IQCH: variants seen among roughly 807,000 people sequenced by gnomAD.
IQCH encodes IQ motif containing H, also known as IQ domain-containing protein H.
IQCH carries 98 observed loss-of-function variants against 117.0 expected under a neutral mutation model. That is an observed-to-expected ratio of 0.84 (90% CI 0.71 to 0.99). The LOEUF is 0.99. Among genes scored for constraint, IQCH ranks in the 50% least tolerant of loss-of-function variants. The pLI is 0.00. For synonymous variants in IQCH, 412 were observed against 448.2 expected, an observed-to-expected ratio of 0.92 and a Z score of 1.02; for missense variants, 1,102 against 1,243.8, an observed-to-expected ratio of 0.89 and a Z score of 1.72.
chr15:67,293,268 A>G (rs1032477407), intron 4 of IQCH, among the ~76,000 whole-genome samples: 6 of 152,194 alleles, frequency 3.9e-5, no homozygotes, highest in African/African-American at 1.4e-4. Flanking sequence ...CATGGAGCTT[A>G]CATTCTAATT....
intron 17 of IQCH, among the ~76,000 whole-genome samples, chr15:67,470,164 GT>G (rs1201707046): frequency 6.6e-6 from 1 of 152,076 alleles, no homozygotes; most frequent in African/African-American, 2.4e-5. Flanking sequence ...GAGTCTTAGG[GT>G]TTTTTTGTTT....
rs758143256 is a variant in IQCH, at chr15:67,388,181, C to T, written c.1457-650C>T. On this transcript the variant is annotated intron_variant, in intron 11 of 20. Transcript: ENST00000335894. This position sits in a 1 kb window ranked among gnomAD's most constrained non-coding sequence, Gnocchi z 5.5. ...TGGGATATTTAATTAGGGTTTCTTG[C>T]TATGTTACATGTAAGAAGCACATCT... Among the ~76,000 whole-genome samples, 1 of 152,158 alleles carries T rather than the reference C, an allele frequency of 6.6e-6. No individual in the cohort carries two copies. The highest frequency in any genetic ancestry group is 1.5e-5 in the Non-Finnish European group (1 of 68,026).
intron 4 of IQCH, among the ~76,000 whole-genome samples, chr15:67,331,915 T>C (rs945145444): frequency 2.0e-5 from 3 of 152,198 alleles, no homozygotes; most frequent in Non-Finnish European, 4.4e-5. Flanking sequence ...TTACAACTTA[T>C]TGGCTGGAAT....
chr15:67,293,206 A>T (rs1271656625), intron 4 of IQCH, among the ~76,000 whole-genome samples: 1 of 152,140 alleles, frequency 6.6e-6, no homozygotes, highest in African/African-American at 2.4e-5. Flanking sequence ...TCTATTATGT[A>T]CCTAATACAT....
At chr15:67,469,850 C>CA (rs1450006946) in intron 17 of IQCH, among the ~76,000 whole-genome samples, 2 of 152,200 alleles carry the variant, frequency 1.3e-5, no homozygotes, top group East Asian at 3.8e-4. Context: ...GGTCAGTAGG[C>CA]AAGCAAGTAG....
chr15:67,497,357 A>G (rs1270575849), intron 20 of IQCH, among the ~76,000 whole-genome samples: 1 of 152,180 alleles, frequency 6.6e-6, no homozygotes, highest in Non-Finnish European at 1.5e-5. Flanking sequence ...AAAATCCTAA[A>G]GAACCCATCA....
At chr15:67,265,598 A>C (rs367587817) in intron 3 of IQCH, among the ~76,000 whole-genome samples, 1 of 152,216 alleles carries the variant, frequency 6.6e-6, no homozygotes, top group Admixed American at 6.5e-5. Flanking sequence ...TGGGTCTTCA[A>C]AGTAAACAAG....
At chr15:67,355,135 CT>C (rs976964859) in intron 6 of IQCH, among the ~76,000 whole-genome samples, 5 of 152,034 alleles carry the variant, frequency 3.3e-5, no homozygotes, top group African/African-American at 1.2e-4. Context: ...TTCTGTTATT[CT>C]TTGTTGGATA....
chr15:67,498,167 A>G (rs556245972), intron 20 of IQCH, among the ~76,000 whole-genome samples: 2 of 152,360 alleles, frequency 1.3e-5, no homozygotes, highest in African/African-American at 4.8e-5. Context: ...ATATAGATCA[A>G]TGGCATAAAA....
At chr15:67,420,728 T>C (rs1030078361) in intron 15 of IQCH, among the ~76,000 whole-genome samples, 2 of 152,250 alleles carry the variant, frequency 1.3e-5, no homozygotes, top group Non-Finnish European at 2.9e-5. Context: ...GCATATGTGT[T>C]CTTCAAACAC....
Position 67,367,708 on chromosome 15 carries a change from G to A in IQCH, c.754-4403G>A, listed in dbSNP as rs182927277. Among the ~76,000 whole-genome samples, 6 of 152,188 alleles carry A rather than the reference G, an allele frequency of 3.9e-5. No homozygotes were observed. In the East Asian group the frequency reaches 1.2e-3, roughly 29 times the overall value. ...ACAGTTTAGGCTGTGGGCACTGGTG[G>A]TACGGGGGTAGGGGTCAGCATGAGG... On this transcript the variant is annotated intron_variant, in intron 8 of 20. Transcript: ENST00000335894.
chr15:67,359,885 G>T lies in IQCH; in HGVS notation c.753G>T (p.Lys251Asn), dbSNP rs1250278128. The part of the protein sequence containing the change: ...SRRSRGHHDR[K>N]AMKVKTPLRA... ...GGTCAAGAGGACATCATGATAGGAA[G>T]GTCTGTAATTTGTGTGACTAGTTGA... The change falls in exon 8 of 21, where the codon AAG becomes AAT. Residue 251 changes from lysine to asparagine, a missense_variant and splice_region_variant. By Grantham distance (94) the Lys-to-Asn change is moderately conservative. Transcript: ENST00000335894. This position sits in a 1 kb window ranked among gnomAD's most constrained non-coding sequence, Gnocchi z 4.5. 6.2e-7 allele frequency: 1 copy of T among 1,610,882 alleles called. No homozygotes were observed. Among genetic ancestry groups the T allele is most frequent in the East Asian group, 2.2e-5 (1 of 44,742 alleles).
chr15:67,405,350 A>G lies in IQCH; in HGVS notation c.2097+5045A>G, dbSNP rs143967475. On this transcript the variant is annotated intron_variant, in intron 14 of 20. Coordinates refer to ENST00000335894, the MANE Select transcript of IQCH (RefSeq NM_001031715.3). The surrounding 1 kb of genome is among the most constrained non-coding windows in gnomAD (Gnocchi z 4.8). ...AGATTAAGCATTTTGTAGATCTATGAATGCACTGTTAAGGTGTTGACATTT... is the reference window on the plus strand; with the variant it reads ...AGATTAAGCATTTTGTAGATCTATGGATGCACTGTTAAGGTGTTGACATTT... The G allele has an allele frequency of 1.3e-5, 2 of 153,040 alleles. No individual in the cohort carries two copies. The highest frequency in any genetic ancestry group is 1.3e-4 in the Admixed American group (2 of 15,362). 9.5% of individuals were successfully genotyped at this position (153,040 alleles called of 1,614,324 possible). A position where few individuals can be genotyped will look rare whatever the true frequency, so the allele number is the denominator to read the frequency against.
chr15:67,413,073 GT>G lies in IQCH; in HGVS notation c.2098-3857del, dbSNP rs1430494339. 3.6e-5 allele frequency among the ~76,000 whole-genome samples: 5 copies of G among 138,998 alleles called. No homozygotes were observed. Among genetic ancestry groups the G allele is most frequent in the African/African-American group, 1.3e-4 (4 of 31,974 alleles). The allele number at this position is 138,998 out of a possible 152,430, so 91.2% of individuals were successfully genotyped here. On this transcript the variant is annotated intron_variant, in intron 14 of 20. Transcript: ENST00000335894. The surrounding 1 kb of genome is among the most constrained non-coding windows in gnomAD (Gnocchi z 5.0). ...GGAGTGTTTGTCTGTTATGGAAGGTGTGTGTGTGTGTGTGTGTGTGTGTGTG... is the reference window on the plus strand; with the variant it reads ...GGAGTGTTTGTCTGTTATGGAAGGTGGTGTGTGTGTGTGTGTGTGTGTGTG...
In IQCH at chr15:67,439,344, A is replaced by G. The variant is rs546178692; in HGVS notation, c.2505+17767A>G. On this transcript the variant is annotated intron_variant, in intron 16 of 20. Coordinates refer to ENST00000335894, the MANE Select transcript of IQCH (RefSeq NM_001031715.3). The stretch of plus-strand genomic sequence containing the variant: ...ACAAAATCAAGATGGAAATCAAACA[A>G]TTATTTGAACTGAATGACAATAATG... 1.1e-4 allele frequency among the ~76,000 whole-genome samples: 17 copies of G among 152,310 alleles called. No homozygotes were observed. The East Asian group carries it at 2.7e-3, about 24-fold the overall frequency.
intron 18 of IQCH, among the ~76,000 whole-genome samples, chr15:67,478,592 A>T (rs1287660826): frequency 6.6e-6 from 1 of 152,146 alleles, no homozygotes; most frequent in African/African-American, 2.4e-5. Flanking sequence ...AGAGACTGAG[A>T]GAATCCACTA....
At chr15:67,286,915 T>A (rs770934514) in intron 4 of IQCH, among the ~76,000 whole-genome samples, 1 of 152,126 alleles carries the variant, frequency 6.6e-6, no homozygotes, top group Non-Finnish European at 1.5e-5. Flanking sequence ...GCCCGGCCTA[T>A]ATATGGCTTT....
chr15:67,434,845 G>A (rs1212766180), intron 16 of IQCH, among the ~76,000 whole-genome samples: 4 of 147,684 alleles, frequency 2.7e-5, no homozygotes, highest in Non-Finnish European at 6.0e-5. Context: ...GTGCAGTGGC[G>A]TGGCTCACTG....
Position 67,424,914 on chromosome 15 carries a change from G to A in IQCH, c.2505+3337G>A, listed in dbSNP as rs1352600251. On this transcript the variant is annotated intron_variant, in intron 16 of 20. Coordinates refer to ENST00000335894, the MANE Select transcript of IQCH (RefSeq NM_001031715.3). The surrounding 1 kb of genome is among the most constrained non-coding windows in gnomAD (Gnocchi z 4.9). ...CACTGGCATATTTTCTAGCCATTTT[G>A]CAAGTGGTATCACTTCAGAAAACAT... Among the ~76,000 whole-genome samples the A allele has an allele frequency of 4.6e-5, 7 of 152,176 alleles. No homozygotes were observed. The highest frequency in any genetic ancestry group is 8.8e-5 in the Non-Finnish European group (6 of 68,028).
Sources: allele counts gnomAD v4.1 joint callset (sites outside exome capture counted in the v4.1 genomes callset), GRCh38; gene constraint gnomAD v4.1.1; non-coding constraint Gnocchi (gnomAD v3.1); transcripts MANE v1.5; gene names NCBI Gene and HGNC (gene_info 2026-07-23, HGNC 2026-07-21).